SYT9: variants seen among roughly 807,000 people sequenced by gnomAD.
The protein encoded by SYT9 is synaptotagmin-9.
Under a neutral mutation model 48.4 loss-of-function variants are expected in SYT9, and 22 were observed. The ratio of observed to expected loss-of-function variants is 0.45; its 90% CI spans 0.32 to 0.65. SYT9 has a LOEUF of 0.65. Ranked by LOEUF, SYT9 falls within the 30% of genes least tolerant of loss-of-function variation. SYT9 has a pLI of 0.03. For missense variants in SYT9, 577 were observed against 622.0 expected (o/e 0.93, Z 0.77); for synonymous variants, 265 against 245.0 (o/e 1.08, Z -0.76).
intron 3 of SYT9, among the ~76,000 whole-genome samples, chr11:7,373,925 T>C (rs925546973): frequency 2.6e-5 from 4 of 151,982 alleles, no homozygotes; most frequent in African/African-American, 9.7e-5. Flanking sequence ...GAGAGTTCTT[T>C]TATTATTATT....
At chr11:7,266,875 G>A (rs1481527131) in intron 1 of SYT9, among the ~76,000 whole-genome samples, 1 of 152,036 alleles carries the variant, frequency 6.6e-6, no homozygotes, top group African/African-American at 2.4e-5. Flanking sequence ...GAACATGGGG[G>A]ATTGTCAGAA....
intron 3 of SYT9, among the ~76,000 whole-genome samples, chr11:7,333,806 A>G (rs1849585585): frequency 6.6e-6 from 1 of 152,162 alleles, no homozygotes; most frequent in Admixed American, 6.5e-5. Context: ...GTTTTTGAAT[A>G]CTCACTGTCT....
intron 3 of SYT9, among the ~76,000 whole-genome samples, chr11:7,401,188 T>C (rs1018069699): frequency 1.3e-5 from 2 of 151,894 alleles, no homozygotes; most frequent in Admixed American, 6.6e-5. Flanking sequence ...CACACAAAAT[T>C]ACTAAACAAC....
At chr11:7,430,606 G>A (rs1847551876) in intron 6 of SYT9, among the ~76,000 whole-genome samples, 1 of 152,170 alleles carries the variant, frequency 6.6e-6, no homozygotes, top group Admixed American at 6.5e-5. Context: ...ATGTTGAATT[G>A]TAATCCCCAA....
At chr11:7,347,296 A>G (rs911162797) in intron 3 of SYT9, among the ~76,000 whole-genome samples, 1 of 151,916 alleles carries the variant, frequency 6.6e-6, no homozygotes, top group African/African-American at 2.4e-5. Flanking sequence ...CGATGGCACG[A>G]TCTCAGCTCA....
intron 6 of SYT9, among the ~76,000 whole-genome samples, chr11:7,452,056 T>G (rs1848062305): frequency 6.6e-6 from 1 of 151,402 alleles, no homozygotes; most frequent in East Asian, 1.9e-4. Context: ...AAAATGTGAA[T>G]GAGCAATCAA....
chr11:7,363,935 T>C (rs1198272208), intron 3 of SYT9, among the ~76,000 whole-genome samples: 2 of 152,178 alleles, frequency 1.3e-5, no homozygotes, highest in African/African-American at 2.4e-5. Flanking sequence ...TTCTTTTAAA[T>C]AGGCTTTTAG....
At chr11:7,336,946 G>A (rs904618524) in intron 3 of SYT9, among the ~76,000 whole-genome samples, 2 of 152,054 alleles carry the variant, frequency 1.3e-5, no homozygotes, top group African/African-American at 4.8e-5. Context: ...GGGCAGTGTG[G>A]CCATTGTAAT....
chr11:7,321,722 A>G (rs1437738909), intron 3 of SYT9, among the ~76,000 whole-genome samples: 1 of 152,200 alleles, frequency 6.6e-6, no homozygotes, highest in Admixed American at 6.5e-5. Flanking sequence ...AACTGAATAT[A>G]TACCCAGTTA....
rs1459702919 is a variant in SYT9 at position 7,452,027 on chromosome 11, A to AT, written c.1468-14764dup. 5.3e-5 allele frequency among the ~76,000 whole-genome samples: 8 copies of AT among 152,216 alleles called. No homozygotes were observed. The East Asian group carries it at 1.5e-3, about 29-fold the overall frequency. On this transcript the variant is annotated intron_variant, in intron 6 of 6. Coordinates refer to ENST00000318881, the MANE Select transcript of SYT9 (RefSeq NM_175733.4). ...CAAAAGCAGAGAAAAAATACACAAAATACCCAGTGGTTAATTTTAAAATGT... is the reference window on the plus strand; with the variant it reads ...CAAAAGCAGAGAAAAAATACACAAAATTACCCAGTGGTTAATTTTAAAATGT...
intron 1 of SYT9, among the ~76,000 whole-genome samples, chr11:7,245,435 TTTTG>T (rs1281070153): frequency 1.3e-5 from 2 of 152,060 alleles, no homozygotes; most frequent in Admixed American, 1.3e-4. Flanking sequence ...TTTTTTTTGT[TTTTG>T]TTTTTGTTTT....
chr11:7,345,952 A>C (rs1434688076), intron 3 of SYT9, among the ~76,000 whole-genome samples: 2 of 152,222 alleles, frequency 1.3e-5, no homozygotes, highest in Non-Finnish European at 2.9e-5. Flanking sequence ...GTATCATGGA[A>C]GTCACTAGAA....
At chr11:7,460,436 G>A (rs1235119093) in intron 6 of SYT9, among the ~76,000 whole-genome samples, 2 of 152,046 alleles carry the variant, frequency 1.3e-5, no homozygotes, top group African/African-American at 4.8e-5. Flanking sequence ...AATATTTCAA[G>A]CTAAAATCAC....
chr11:7,421,661 C>G (rs982556785), intron 6 of SYT9, among the ~76,000 whole-genome samples: 1 of 151,632 alleles, frequency 6.6e-6, no homozygotes, highest in Admixed American at 6.5e-5. Context: ...GATTCACTCT[C>G]TTATTTATTC....
chr11:7,377,194 C>T (rs1589982747), intron 3 of SYT9, among the ~76,000 whole-genome samples: 1 of 151,468 alleles, frequency 6.6e-6, no homozygotes, highest in East Asian at 1.9e-4. Flanking sequence ...TGGACCCACT[C>T]TATGCCAGGC....
chr11:7,449,003 A>G (rs1847989827), intron 6 of SYT9, among the ~76,000 whole-genome samples: 1 of 152,124 alleles, frequency 6.6e-6, no homozygotes, highest in Non-Finnish European at 1.5e-5. Context: ...AGGGAGGAGA[A>G]GCCAAGACTC....
intron 2 of SYT9, 124 bp downstream of exon 2, chr11:7,303,514 A>G: frequency 4.6e-6 from 4 of 871,412 alleles, no homozygotes; most frequent in Admixed American, 5.8e-5. Context: ...TATCAGAGAC[A>G]TGAATATGGG....
intron 3 of SYT9, among the ~76,000 whole-genome samples, chr11:7,367,112 C>T (rs1481019755): frequency 3.5e-5 from 4 of 113,352 alleles, no homozygotes; most frequent in Non-Finnish European, 5.2e-5. Flanking sequence ...GACGGAGCCT[C>T]GCTCTGTCAC....
Position 7,252,755 on chromosome 11 carries a change from C to G in SYT9, c.145+424C>G, listed in dbSNP as rs1246596259. Among the ~76,000 whole-genome samples the G allele has an allele frequency of 6.6e-6, 1 of 152,202 alleles. No homozygotes were observed. Among genetic ancestry groups the G allele is most frequent in the Non-Finnish European group, 1.5e-5 (1 of 68,034 alleles). ...GGGAAGTTGGGAGTTGGGGACGGCC[C>G]CGGGTTGGGGCCGAATCCCACCGGG... On this transcript the variant is annotated intron_variant, in intron 1 of 6. Coordinates refer to ENST00000318881, the MANE Select transcript of SYT9 (RefSeq NM_175733.4). This position sits in a 1 kb window ranked among gnomAD's most constrained non-coding sequence, Gnocchi z 6.3.
Sources: gnomAD v4.1 joint callset for allele counts (sites outside exome capture counted in the v4.1 genomes callset) on GRCh38, gnomAD v4.1.1 for gene constraint, Gnocchi (gnomAD v3.1) non-coding constraint, MANE v1.5 for transcripts, NCBI Gene and HGNC (gene_info 2026-07-23, HGNC 2026-07-21) for gene names.